LMX1B: variants seen among roughly 807,000 people sequenced by gnomAD.
LMX1B encodes the protein LIM homeobox transcription factor 1-beta.
In LMX1B, 12 loss-of-function variants were observed where a neutral mutation model predicts 51.4. The observed-to-expected ratio is 0.23, with a 90% CI of 0.15 to 0.38. The LOEUF (loss-of-function observed/expected upper bound fraction) is 0.38. Among genes scored for constraint, LMX1B ranks in the 10% least tolerant of loss-of-function variants. The pLI is 1.00. For synonymous variants in LMX1B, 237 were observed against 235.4 expected, an observed-to-expected ratio of 1.01 and a Z score of -0.06; for missense variants, 445 against 571.1, an observed-to-expected ratio of 0.78 and a Z score of 2.25.
intron 2 of LMX1B, among the ~76,000 whole-genome samples, chr9:126,651,624 C>G (rs1836010554): frequency 6.6e-6 from 1 of 152,180 alleles, no homozygotes; most frequent in Non-Finnish European, 1.5e-5. Context: ...AACCCACTGC[C>G]TGACCCCTCT....
chr9:126,665,030 C>G (rs1437740364), intron 2 of LMX1B, among the ~76,000 whole-genome samples: 2 of 152,248 alleles, frequency 1.3e-5, no homozygotes, highest in African/African-American at 4.8e-5. Flanking sequence ...ATGCCTGTAC[C>G]GTCCTTAGCG....
intron 2 of LMX1B, among the ~76,000 whole-genome samples, chr9:126,622,131 T>C (rs1647373797): frequency 6.6e-6 from 1 of 151,954 alleles, no homozygotes; most frequent in South Asian, 2.1e-4. Context: ...TGTGGGTACA[T>C]TTGTGGGGAG....
intron 2 of LMX1B, among the ~76,000 whole-genome samples, chr9:126,627,846 G>A (rs868424313): frequency 6.6e-6 from 1 of 152,134 alleles, no homozygotes; most frequent in Non-Finnish European, 1.5e-5. Flanking sequence ...CAAGCTGCAC[G>A]CTACCAGGCT....
chr9:126,677,120 T>C lies in LMX1B; in HGVS notation c.327-13716T>C, dbSNP rs1171968371. Among the ~76,000 whole-genome samples the C allele has an allele frequency of 6.6e-6, 1 of 152,184 alleles. No homozygotes were observed. Among genetic ancestry groups the C allele is most frequent in the African/African-American group, 2.4e-5 (1 of 41,450 alleles). On this transcript the variant is annotated intron_variant, in intron 2 of 7. Transcript: ENST00000373474. The surrounding 1 kb of genome is among the most constrained non-coding windows in gnomAD (Gnocchi z 5.0). Reference sequence around the variant, plus strand: ...CCTGCCTGTCCCGAAGGCCGAGCCCTGACCTGCCTCGCCTGCCCTTTGCCC... The same window carrying C: ...CCTGCCTGTCCCGAAGGCCGAGCCCCGACCTGCCTCGCCTGCCCTTTGCCC...
intron 2 of LMX1B, among the ~76,000 whole-genome samples, chr9:126,623,226 C>A (rs1383878194): frequency 1.3e-5 from 2 of 152,190 alleles, no homozygotes; most frequent in African/African-American, 4.8e-5. Context: ...GGCATGGGGC[C>A]GGTCTGGATG....
Position 126,658,416 on chromosome 9 carries a change from C to T in LMX1B, c.327-32420C>T, listed in dbSNP as rs977310713. 6.6e-6 allele frequency among the ~76,000 whole-genome samples: 1 copy of T among 152,114 alleles called. No individual in the cohort carries two copies. Among genetic ancestry groups the T allele is most frequent in the South Asian group, 2.1e-4 (1 of 4,816 alleles). On this transcript the variant is annotated intron_variant, in intron 2 of 7. Coordinates refer to ENST00000373474, the MANE Select transcript of LMX1B (RefSeq NM_001174147.2). This position sits in a 1 kb window ranked among gnomAD's most constrained non-coding sequence, Gnocchi z 4.0. ...GGGCCCGGGCACCCCTGCTGCTGAC[C>T]CCCTGCCCTCCCTGCCGCCTGCCAG...
intron 2 of LMX1B, among the ~76,000 whole-genome samples, chr9:126,649,048 C>T (rs1488953307): frequency 6.6e-6 from 1 of 152,142 alleles, no homozygotes; most frequent in Non-Finnish European, 1.5e-5. Context: ...CTACCATCTT[C>T]CCAGGTACTT....
intron 2 of LMX1B, among the ~76,000 whole-genome samples, chr9:126,648,516 T>C (rs1317998643): frequency 2.0e-5 from 3 of 152,214 alleles, no homozygotes; most frequent in Non-Finnish European, 2.9e-5. Flanking sequence ...GCAGGTGACT[T>C]GGCTTCTCCC....
At chr9:126,676,183 C>T (rs1564163747) in intron 2 of LMX1B, among the ~76,000 whole-genome samples, 1 of 152,176 alleles carries the variant, frequency 6.6e-6, no homozygotes, top group Non-Finnish European at 1.5e-5. Flanking sequence ...TTTTATTTCT[C>T]ATTGATTCTC....
rs2030436762 is a variant in LMX1B, at chr9:126,698,806, A to G, written c.*2355A>G. ...TGTGGTTTTGCTCCCGTTTGCTGGG[A>G]AATTCAGTCCCCCCAGAATGTCCTG... On this transcript the variant is annotated 3_prime_UTR_variant, in exon 8 of 8. Transcript: ENST00000373474. 6.6e-6 allele frequency: 1 copy of G among 152,384 alleles called. No individual in the cohort carries two copies. The highest frequency in any genetic ancestry group is 2.4e-5 in the African/African-American group (1 of 41,430). 9.4% of individuals were successfully genotyped at this position (152,384 alleles called of 1,614,324 possible).
chr9:126,615,509 C>G lies in LMX1B; in HGVS notation c.266C>G (p.Ala89Gly). Residue 89 changes from alanine (A) to glycine (G), a missense_variant, in exon 2 of 8, where the codon GCC (alanine) becomes GGC (glycine). Physicochemically the swap from Ala to Gly is moderately conservative, Grantham distance 60 (BLOSUM62 0). Transcript: ENST00000373474. The surrounding 1 kb of genome is among the most constrained non-coding windows in gnomAD (Gnocchi z 6.0). ...ECLQCAACQQALTTSCYFRDR... is the reference protein window; with the variant it reads ...ECLQCAACQQGLTTSCYFRDR... ...TTGCAGTGCGCGGCGTGTCAGCAAG[C>G]CCTCACCACCAGCTGCTACTTCCGG... 1 of 1,611,830 alleles carries G rather than the reference C, an allele frequency of 6.2e-7. No homozygotes were observed. Among genetic ancestry groups the G allele is most frequent in the Non-Finnish European group, 8.5e-7 (1 of 1,178,838 alleles).
intron 2 of LMX1B, among the ~76,000 whole-genome samples, chr9:126,634,113 G>T (rs1374294024): frequency 6.6e-6 from 1 of 152,204 alleles, no homozygotes; most frequent in Non-Finnish European, 1.5e-5. Context: ...CCCTGCTCCA[G>T]GCAGGACTGG....
chr9:126,693,328 G>A lies in LMX1B; in HGVS notation c.741+5G>A, dbSNP rs2030206163. Reference sequence around the variant, plus strand: ...TCGTCGAAGCCTTGCCGAAAGGTGAGGGGCGGCCGGGGGGCGGGGCTCAGG... The same window carrying A: ...TCGTCGAAGCCTTGCCGAAAGGTGAAGGGCGGCCGGGGGGCGGGGCTCAGG... On this transcript the variant is annotated splice_donor_5th_base_variant and intron_variant, in intron 4 of 7. Transcript: ENST00000373474. 1.9e-6 allele frequency: 3 copies of A among 1,586,092 alleles called. No individual in the cohort carries two copies.
At chr9:126,636,004 T>G (rs1288365007) in intron 2 of LMX1B, among the ~76,000 whole-genome samples, 1 of 152,124 alleles carries the variant, frequency 6.6e-6, no homozygotes, top group Admixed American at 6.5e-5. Context: ...GGCAGCCACT[T>G]CCTGCTAGAA....
At chr9:126,642,940 G>A (rs1407496818) in intron 2 of LMX1B, among the ~76,000 whole-genome samples, 5 of 152,202 alleles carry the variant, frequency 3.3e-5, no homozygotes, top group Non-Finnish European at 7.3e-5. Context: ...GTGTTAAGTG[G>A]ACTGCGCTCT....
In LMX1B at chr9:126,690,875, C is replaced by T. The variant is rs200350302; in HGVS notation, c.366C>T (p.Ile122=). The T allele has an allele frequency of 1.1e-5, 18 of 1,613,164 alleles. No homozygotes were observed. The highest frequency in any genetic ancestry group is 2.7e-5 in the African/African-American group (2 of 74,928). Residue 122 remains isoleucine, a synonymous_variant, in exon 3 of 8, where the codon ATC becomes ATT. Transcript: ENST00000373474. ...AAKCSGCMEK[I]APTEFVMRAL... is the part of the protein sequence containing the mutation. ...AGTGCAGCGGCTGCATGGAGAAGAT[C>T]GCCCCCACCGAGTTCGTGATGCGGG...
chr9:126,662,605 C>T (rs1836266714), intron 2 of LMX1B, among the ~76,000 whole-genome samples: 1 of 152,332 alleles, frequency 6.6e-6, no homozygotes, highest in East Asian at 1.9e-4. Context: ...AGGAAGGAGG[C>T]CTGCTCCCAG....
At chr9:126,669,824 A>G (rs575133711) in intron 2 of LMX1B, among the ~76,000 whole-genome samples, 2 of 152,264 alleles carry the variant, frequency 1.3e-5, no homozygotes, top group Admixed American at 6.5e-5. Context: ...AAAGTTCCTC[A>G]GGATCTGGGC....
intron 2 of LMX1B, among the ~76,000 whole-genome samples, chr9:126,689,867 G>A (rs1017062047): frequency 2.0e-5 from 3 of 152,232 alleles, no homozygotes; most frequent in Non-Finnish European, 4.4e-5. Flanking sequence ...CTCTAAAATG[G>A]GGTTAATGTT....
Sources: allele counts gnomAD v4.1 joint callset (sites outside exome capture counted in the v4.1 genomes callset), GRCh38; gene constraint gnomAD v4.1.1; non-coding constraint Gnocchi (gnomAD v3.1); transcripts MANE v1.5; gene names NCBI Gene and HGNC (gene_info 2026-07-23, HGNC 2026-07-21).